Variants in ADARB1 observed in about 807,000 individuals in gnomAD.
ADARB1 encodes double-stranded RNA-specific editase 1.
ADARB1 carries 10 observed loss-of-function variants against 52.4 expected under a neutral mutation model. The ratio of observed to expected loss-of-function variants is 0.19; its 90% CI spans 0.12 to 0.32. The LOEUF is 0.32. ADARB1 is among the 10% of genes least tolerant of loss of function. The pLI, the probability that ADARB1 is intolerant of heterozygous loss-of-function variation, is 1.00. For synonymous variants in ADARB1, 349 were observed against 371.1 expected, an observed-to-expected ratio of 0.94 and a Z score of 0.68; for missense variants, 643 against 922.3, an observed-to-expected ratio of 0.70 and a Z score of 3.92.
intron 2 of ADARB1, among the ~76,000 whole-genome samples, chr21:45,165,227 A>C (rs907680578): frequency 6.7e-6 from 1 of 150,096 alleles, no homozygotes; most frequent in Non-Finnish European, 1.5e-5. Context: ...TGGACCACTG[A>C]GGTGTTAGTG....
chr21:45,157,735 G>A lies in ADARB1; in HGVS notation c.-47-13875G>A, dbSNP rs2090740799. Among the ~76,000 whole-genome samples, 1 of 152,166 alleles carries A rather than the reference G, an allele frequency of 6.6e-6. No homozygotes were observed. Among genetic ancestry groups the A allele is most frequent in the Non-Finnish European group, 1.5e-5 (1 of 68,032 alleles). On this transcript the variant is annotated intron_variant, in intron 2 of 10. Transcript: ENST00000348831. The surrounding 1 kb of genome is among the most constrained non-coding windows in gnomAD (Gnocchi z 4.1). ...AGGGAGAGGGACAAGAAGGGCCAGG[G>A]CTTGTGACCACATCAGAAGCAAGGG...
rs571828120 is a variant in ADARB1 at position 45,099,237 on chromosome 21, C to G, written c.-220+24444C>G. Reference sequence around the variant, plus strand: ...GGTGGTAGGGCTGGTGACCGGGGAACTGTAATTTCCTGTGGGAGAGCAGCA... The same window carrying G: ...GGTGGTAGGGCTGGTGACCGGGGAAGTGTAATTTCCTGTGGGAGAGCAGCA... On this transcript the variant is annotated intron_variant, in intron 1 of 10. Coordinates refer to ENST00000348831, the MANE Select transcript of ADARB1 (RefSeq NM_001112.4). 4.9e-4 allele frequency among the ~76,000 whole-genome samples: 74 copies of G among 152,310 alleles called. 2 individuals are homozygous for G. In the South Asian group the frequency reaches 0.014, roughly 28 times the overall value.
In ADARB1 at chr21:45,223,066, G is replaced by T; in HGVS notation, c.*869G>T. The stretch of plus-strand genomic sequence containing the variant: ...TTTTTAAAGGATATTTAACTTTTAT[G>T]GACTAGAAGGAATCACGAGGGCTAC... On this transcript the variant is annotated 3_prime_UTR_variant, in exon 11 of 11. Transcript: ENST00000348831. 1 of 985,374 alleles carries T rather than the reference G, an allele frequency of 1.0e-6. No homozygotes were observed. Among genetic ancestry groups the T allele is most frequent in the East Asian group, 1.1e-4 (1 of 8,816 alleles). The allele number at this position is 985,374 out of a possible 1,614,324, so 61.0% of individuals were successfully genotyped here. A position where few individuals can be genotyped will look rare whatever the true frequency, so the allele number is the denominator to read the frequency against.
At chr21:45,087,368 A>G (rs1263162900) in intron 1 of ADARB1, among the ~76,000 whole-genome samples, 1 of 152,234 alleles carries the variant, frequency 6.6e-6, no homozygotes, top group Admixed American at 6.5e-5. Context: ...GGTGGTTTCC[A>G]GGGCACGTGG....
intron 1 of ADARB1, among the ~76,000 whole-genome samples, chr21:45,092,052 A>G (rs909489428): frequency 1.3e-5 from 2 of 152,182 alleles, no homozygotes; most frequent in Non-Finnish European, 2.9e-5. Context: ...TTCATTTCCT[A>G]GAGGAGGGTG....
At position 45,185,007 on chromosome 21, in the gene ADARB1, G is replaced by A. The variant is rs201477864; in HGVS notation, c.1481G>A (p.Arg494His). ...IESGEGTIPVRSNASIQTWDG... is the reference protein window; with the variant it reads ...IESGEGTIPVHSNASIQTWDG... ...TCTGGTGAGGGGACGATTCCAGTGCGCTCCAATGCGAGCATCCAAACGTGG... is the reference window on the plus strand; with the variant it reads ...TCTGGTGAGGGGACGATTCCAGTGCACTCCAATGCGAGCATCCAAACGTGG... Residue 494 changes from arginine (R) to histidine (H), a missense_variant, in exon 8 of 11, where the codon CGC (arginine) becomes CAC (histidine). Physicochemically the swap from Arg to His is conservative, Grantham distance 29 (BLOSUM62 0). Transcript: ENST00000348831. 1.7e-4 allele frequency: 274 copies of A among 1,614,064 alleles called. No homozygotes were observed. Among genetic ancestry groups the A allele is most frequent in the Middle Eastern group, 1.3e-3 (8 of 6,084 alleles).
At chr21:45,136,639 C>T (rs57884102) in intron 2 of ADARB1, among the ~76,000 whole-genome samples, 4,360 of 152,304 alleles carry the variant, frequency 0.029, 92 homozygotes, top group East Asian at 0.09. Flanking sequence ...GGACAGCTGG[C>T]GGGGGTAGAA....
Position 45,205,711 on chromosome 21 carries a change from C to G in ADARB1, c.1747+975C>G, listed in dbSNP as rs375820066. 3.9e-5 allele frequency among the ~76,000 whole-genome samples: 6 copies of G among 152,316 alleles called. No homozygotes were observed. In the South Asian group the frequency reaches 6.2e-4, roughly 16 times the overall value. Reference sequence around the variant, plus strand: ...ACAGGAGCTTTTGAATTCAAAGGTCCTAACTTCTAAGCTCACCTTTATTTA... The same window carrying G: ...ACAGGAGCTTTTGAATTCAAAGGTCGTAACTTCTAAGCTCACCTTTATTTA... On this transcript the variant is annotated intron_variant, in intron 9 of 10. Transcript: ENST00000348831.
chr21:45,088,703 T>C (rs1261268366), intron 1 of ADARB1, among the ~76,000 whole-genome samples: 1 of 152,218 alleles, frequency 6.6e-6, no homozygotes, highest in Non-Finnish European at 1.5e-5. Flanking sequence ...TATCTCTTCC[T>C]CAAGTTATTT....
intron 1 of ADARB1, among the ~76,000 whole-genome samples, chr21:45,106,286 G>C (rs1044385658): frequency 1.3e-5 from 2 of 151,542 alleles, no homozygotes; most frequent in Non-Finnish European, 2.9e-5. Flanking sequence ...TCTGTGTTCA[G>C]CGTGGGTTGT....
intron 2 of ADARB1, among the ~76,000 whole-genome samples, chr21:45,143,123 G>T (rs535579980): frequency 6.6e-6 from 1 of 152,294 alleles, no homozygotes; most frequent in Non-Finnish European, 1.5e-5. Context: ...GACTTTTCCT[G>T]TGCCCTCTGC....
chr21:45,122,748 G>A (rs1400231649), intron 1 of ADARB1, among the ~76,000 whole-genome samples: 2 of 152,178 alleles, frequency 1.3e-5, no homozygotes, highest in Non-Finnish European at 1.5e-5. Flanking sequence ...TGGAGAAAAC[G>A]GCACAGGTTG....
At chr21:45,134,093 A>G (rs1450060850) in intron 2 of ADARB1, among the ~76,000 whole-genome samples, 4 of 82,676 alleles carry the variant, frequency 4.8e-5, no homozygotes, top group Non-Finnish European at 9.3e-5. Context: ...TGTGCCCGAC[A>G]GTGGTGTGTG....
At chr21:45,126,248 A>G (rs975169545) in intron 1 of ADARB1, among the ~76,000 whole-genome samples, 1 of 152,166 alleles carries the variant, frequency 6.6e-6, no homozygotes. Context: ...GTCTATTTTT[A>G]GAAGTGGCTC....
At chr21:45,131,881 G>A (rs1413835093) in intron 2 of ADARB1, among the ~76,000 whole-genome samples, 3 of 152,212 alleles carry the variant, frequency 2.0e-5, no homozygotes, top group Non-Finnish European at 2.9e-5. Context: ...GGTGCCTGGC[G>A]GTGTCCTGGC....
At chr21:45,144,706 C>T (rs1268714636) in intron 2 of ADARB1, 2 of 443,222 alleles carry the variant, frequency 4.5e-6, no homozygotes. Flanking sequence ...ACTCTGGTAA[C>T]TTCATGTGAA....
chr21:45,215,945 G>A (rs909188670), intron 9 of ADARB1, among the ~76,000 whole-genome samples: 7 of 152,098 alleles, frequency 4.6e-5, no homozygotes, highest in Non-Finnish European at 8.8e-5. Flanking sequence ...AAACCATTGG[G>A]CCTGAAGTTT....
chr21:45,122,629 C>T (rs731248), intron 1 of ADARB1, among the ~76,000 whole-genome samples: 1 of 152,062 alleles, frequency 6.6e-6, no homozygotes, highest in African/African-American at 2.4e-5. Context: ...TGTCAGTGGG[C>T]GGAGGTGGGA....
chr21:45,226,563 C>A (rs935684202), downstream of ADARB1: 5 of 152,674 alleles, frequency 3.3e-5, no homozygotes, highest in African/African-American at 1.2e-4. Context: ...TTTCACTACT[C>A]TGGTGTTGCT....
Sources: allele counts gnomAD v4.1 joint callset (sites outside exome capture counted in the v4.1 genomes callset), GRCh38; gene constraint gnomAD v4.1.1; non-coding constraint Gnocchi (gnomAD v3.1); transcripts MANE v1.5; gene names NCBI Gene and HGNC (gene_info 2026-07-23, HGNC 2026-07-21).